The following GRM7 variants were observed in gnomAD, a reference collection of about 807,000 sequenced individuals.
The protein encoded by GRM7 is glutamate metabotropic receptor 7.
A neutral mutation model predicts 84.5 loss-of-function variants in GRM7; 35 were observed. The observed-to-expected ratio is 0.41, with a 90% CI of 0.32 to 0.55. The LOEUF is 0.55. Ranked by LOEUF, GRM7 falls within the 20% of genes least tolerant of loss-of-function variation. The pLI is 0.19. For missense variants in GRM7, 1,003 were observed against 1,194.6 expected, an observed-to-expected ratio of 0.84 and a Z score of 2.36; for synonymous variants, 487 against 455.1, an observed-to-expected ratio of 1.07 and a Z score of -0.89.
At chr3:6,882,509 G>GC (rs988643615) in intron 1 of GRM7, among the ~76,000 whole-genome samples, 12 of 151,810 alleles carry the variant, frequency 7.9e-5, no homozygotes, top group South Asian at 2.1e-4. Context: ...TTGCACCACT[G>GC]CCCCCCGGCC....
intron 1 of GRM7, among the ~76,000 whole-genome samples, chr3:7,088,655 T>C (rs1698546808): frequency 1.6e-5 from 1 of 61,922 alleles, no homozygotes; most frequent in Non-Finnish European, 2.9e-5. Flanking sequence ...CCTCTAAAAT[T>C]ATCTGAAGCC....
In GRM7 at chr3:7,054,399, AAAGAT is replaced by A. The variant is rs1363364145; in HGVS notation, c.520-92047_520-92043del. Among the ~76,000 whole-genome samples, 6 of 150,480 alleles carry A rather than the reference AAAGAT, an allele frequency of 4.0e-5. No individual in the cohort carries two copies. In the Admixed American group the frequency reaches 4.0e-4, roughly 10 times the overall value. On this transcript the variant is annotated intron_variant, in intron 1 of 9. Coordinates refer to ENST00000357716, the MANE Select transcript of GRM7 (RefSeq NM_000844.4). ...TATCTTTTATGATATATATATCATA[AAAGAT>A]AAGATTAAAATGGCTATATATGTAT... is the stretch of plus-strand genomic sequence containing the variant.
At chr3:7,548,334 C>T (rs765982723) in intron 7 of GRM7, among the ~76,000 whole-genome samples, 97 of 152,334 alleles carry the variant, frequency 6.4e-4, no homozygotes, top group Middle Eastern at 3.4e-3. Flanking sequence ...ACTCCAGCTC[C>T]GCTTTGCCTT....
At chr3:6,941,058 C>A (rs1697875699) in intron 1 of GRM7, among the ~76,000 whole-genome samples, 1 of 152,180 alleles carries the variant, frequency 6.6e-6, no homozygotes, top group Non-Finnish European at 1.5e-5. Flanking sequence ...TCTCTTGAGT[C>A]ACCTTTCCAG....
intron 1 of GRM7, among the ~76,000 whole-genome samples, chr3:6,954,514 C>G (rs558811185): frequency 6.6e-6 from 1 of 152,100 alleles, no homozygotes; most frequent in South Asian, 2.1e-4. Context: ...AACTGAATCC[C>G]CTTATAAGTT....
At chr3:7,139,138 A>T (rs141056053) in intron 1 of GRM7, among the ~76,000 whole-genome samples, 1 of 148,362 alleles carries the variant, frequency 6.7e-6, no homozygotes, top group East Asian at 1.9e-4. Flanking sequence ...TATAGATACT[A>T]TATGAACCTC....
chr3:7,662,727 G>A (rs1699522740), intron 8 of GRM7, among the ~76,000 whole-genome samples: 1 of 152,160 alleles, frequency 6.6e-6, no homozygotes, highest in African/African-American at 2.4e-5. Context: ...CAATAAGCAG[G>A]AAATGAACAG....
chr3:7,168,653 C>A (rs913834301), intron 2 of GRM7, among the ~76,000 whole-genome samples: 1 of 152,096 alleles, frequency 6.6e-6, no homozygotes, highest in Non-Finnish European at 1.5e-5. Flanking sequence ...AAGACGACCC[C>A]ATTCAAATAT....
chr3:7,201,628 A>G (rs993307839), intron 2 of GRM7, among the ~76,000 whole-genome samples: 2 of 152,154 alleles, frequency 1.3e-5, no homozygotes, highest in Non-Finnish European at 2.9e-5. Context: ...TCCCAATTCA[A>G]TCTCCTGTAA....
At chr3:7,386,061 G>T (rs1694775131) in intron 4 of GRM7, among the ~76,000 whole-genome samples, 1 of 152,052 alleles carries the variant, frequency 6.6e-6, no homozygotes, top group African/African-American at 2.4e-5. Context: ...AAAGTATAAA[G>T]GAAAAAACAA....
intron 1 of GRM7, among the ~76,000 whole-genome samples, chr3:6,944,111 A>AT (rs1697979443): frequency 6.6e-6 from 1 of 152,026 alleles, no homozygotes; most frequent in Admixed American, 6.6e-5. Context: ...ATATGTGACC[A>AT]TACCGTCTTC....
chr3:6,897,908 G>C (rs942714670), intron 1 of GRM7, among the ~76,000 whole-genome samples: 1 of 152,176 alleles, frequency 6.6e-6, no homozygotes, highest in Non-Finnish European at 1.5e-5. Context: ...GAGAGTGGGG[G>C]CCTCCCCATA....
At chr3:7,701,595 C>T (rs2125158868) in intron 9 of GRM7, among the ~76,000 whole-genome samples, 1 of 152,246 alleles carries the variant, frequency 6.6e-6, no homozygotes, top group Non-Finnish European at 1.5e-5. Flanking sequence ...AGCCACCATG[C>T]CCAGCTGCCT....
At chr3:7,291,567 T>G (rs978035994) in intron 2 of GRM7, among the ~76,000 whole-genome samples, 2 of 147,276 alleles carry the variant, frequency 1.4e-5, no homozygotes, top group African/African-American at 5.0e-5. Flanking sequence ...TCCCTCCGTC[T>G]GTCTATTTTT....
chr3:7,386,071 A>C (rs1175938765), intron 4 of GRM7, among the ~76,000 whole-genome samples: 2 of 152,208 alleles, frequency 1.3e-5, no homozygotes, highest in Admixed American at 6.5e-5. Flanking sequence ...GGAAAAAACA[A>C]AACAAAACAA....
rs1696952942 is a variant in GRM7, at chr3:7,050,441, C to A, written c.520-96011C>A. 2.0e-5 allele frequency among the ~76,000 whole-genome samples: 3 copies of A among 152,004 alleles called. No individual in the cohort carries two copies. In the South Asian group the frequency reaches 6.2e-4, roughly 31 times the overall value. ...CGTAGCCTGGAAACAAAATTTAAAT[C>A]TGTGACAGTTTCACATCTAAACACA... On this transcript the variant is annotated intron_variant, in intron 1 of 9. Coordinates refer to ENST00000357716, the MANE Select transcript of GRM7 (RefSeq NM_000844.4).
At chr3:6,970,907 G>A (rs1000131021) in intron 1 of GRM7, among the ~76,000 whole-genome samples, 6 of 152,048 alleles carry the variant, frequency 3.9e-5, no homozygotes, top group African/African-American at 1.4e-4. Context: ...GCGTGAACCC[G>A]GGAGGCTGAG....
chr3:7,410,188 G>A (rs144753937), intron 4 of GRM7, among the ~76,000 whole-genome samples: 266 of 152,242 alleles, frequency 1.7e-3, no homozygotes, highest in African/African-American at 6.1e-3. Context: ...TGGAGTTGGG[G>A]TTCGGTGTTA....
In GRM7 at chr3:7,578,839, C is replaced by G. The variant is rs139309097; in HGVS notation, c.1933C>G (p.Leu645Val). Residue 645 changes from leucine (L) to valine (V), a missense_variant, in exon 8 of 10, where the codon CTG (leucine) becomes GTG (valine). Coordinates refer to ENST00000357716, the MANE Select transcript of GRM7 (RefSeq NM_000844.4). ...CTTTCTTTGCTACATCATCACTTTC[C>G]TGATGATTGCCAAACCAGATGTGGC... Reference protein sequence around the residue: ...GIFLCYIITFLMIAKPDVAVC... With the variant: ...GIFLCYIITFVMIAKPDVAVC... The G allele has an allele frequency of 1.9e-6, 3 of 1,614,044 alleles. No homozygotes were observed. In the African/African-American group the frequency reaches 4.0e-5, roughly 22 times the overall value.
Sources: allele counts gnomAD v4.1 joint callset (sites outside exome capture counted in the v4.1 genomes callset), GRCh38; gene constraint gnomAD v4.1.1; transcripts MANE v1.5; gene names NCBI Gene and HGNC (gene_info 2026-07-23, HGNC 2026-07-21).